ACSL3: variants seen among roughly 807,000 people sequenced by gnomAD.
ACSL3 encodes fatty acid CoA ligase Acsl3.
ACSL3 carries 34 observed loss-of-function variants against 84.7 expected under a neutral mutation model. That is an observed-to-expected ratio of 0.40 (90% confidence interval 0.31 to 0.53). The LOEUF is 0.53. Ranked by LOEUF, ACSL3 falls within the 20% of genes least tolerant of loss-of-function variation. The probability of loss-of-function intolerance (pLI) is 0.48; values close to 1 mark genes in which losing one functional copy is unlikely to be tolerated. For missense variants in ACSL3, 680 were observed against 873.1 expected (o/e 0.78, Z 2.79); for synonymous variants, 315 against 299.4 (o/e 1.05, Z -0.54).
intron 1 of ACSL3, among the ~76,000 whole-genome samples, chr2:222,876,387 T>G (rs539515550): frequency 6.6e-6 from 1 of 152,266 alleles, no homozygotes; most frequent in East Asian, 1.9e-4. Flanking sequence ...CATGGCACAA[T>G]CATGGCTCAC....
chr2:222,881,021 T>G (rs1695580609), intron 1 of ACSL3, among the ~76,000 whole-genome samples: 1 of 152,196 alleles, frequency 6.6e-6, no homozygotes, highest in South Asian at 2.1e-4. Context: ...CGTTTATTTT[T>G]TCATTGCATT....
chr2:222,941,524 T>A lies in ACSL3; in HGVS notation c.2033T>A (p.Val678Glu). ...AGTCTGGAAAAGTTTGAAATTCCAG[T>A]AAAAATTCGTTTGAGTCCTGAACCG... Reference protein sequence around the residue: ...SASLEKFEIPVKIRLSPEPWT... With the variant: ...SASLEKFEIPEKIRLSPEPWT... Residue 678 changes from valine to glutamate, a missense_variant, in exon 17 of 17, where the codon GTA becomes GAA. By Grantham distance (121) the Val-to-Glu change is moderately radical (BLOSUM62 -2). This residue lies in a region of ACSL3 where 347 missense variants were observed against 525.7 expected (regional missense o/e 0.66). Coordinates refer to ENST00000357430, the MANE Select transcript of ACSL3 (RefSeq NM_004457.5). 3.1e-6 allele frequency: 5 copies of A among 1,608,734 alleles called. No homozygotes were observed. Among genetic ancestry groups the A allele is most frequent in the Non-Finnish European group, 4.2e-6 (5 of 1,178,132 alleles).
At chr2:222,873,979 T>A (rs1197197421) in intron 1 of ACSL3, among the ~76,000 whole-genome samples, 1 of 152,218 alleles carries the variant, frequency 6.6e-6, no homozygotes, top group Non-Finnish European at 1.5e-5. Flanking sequence ...GCCCTTTAGT[T>A]TGAGTGTGTC....
rs138575197 is a variant in ACSL3 at position 222,900,175 on chromosome 2, A to G, written c.-147-499A>G. ...TAATTTATCTAGAACATTTTAGAAAAATTAAATGGCTTAATTGAATGTGGC... is the reference window on the plus strand; with the variant it reads ...TAATTTATCTAGAACATTTTAGAAAGATTAAATGGCTTAATTGAATGTGGC... On this transcript the variant is annotated intron_variant, in intron 2 of 16. Transcript: ENST00000357430. Among the ~76,000 whole-genome samples the G allele has an allele frequency of 5.0e-3, 763 of 152,322 alleles. 3 individuals carry two copies. The highest frequency in any genetic ancestry group is 0.017 in the Middle Eastern group (5 of 294).
intron 2 of ACSL3, among the ~76,000 whole-genome samples, chr2:222,890,724 C>G (rs568993967): frequency 1.3e-5 from 2 of 152,302 alleles, no homozygotes; most frequent in African/African-American, 4.8e-5. Flanking sequence ...TCACTGCAAC[C>G]TCTGCCTCCC....
At chr2:222,941,226 G>A (rs2106147133) in intron 16 of ACSL3, among the ~76,000 whole-genome samples, 1 of 152,200 alleles carries the variant, frequency 6.6e-6, no homozygotes, top group East Asian at 1.9e-4. Flanking sequence ...CATCATGCCT[G>A]GCTCTAACTC....
At chr2:222,922,614 C>G in intron 8 of ACSL3, 94 bp from the exon 9 acceptor site, 1 of 1,499,088 alleles carries the variant, frequency 6.7e-7, no homozygotes, top group South Asian at 1.2e-5. Context: ...GCCCTGGGGC[C>G]CTTCCATGTG....
At chr2:222,877,482 T>G (rs1695478863) in intron 1 of ACSL3, among the ~76,000 whole-genome samples, 2 of 152,166 alleles carry the variant, frequency 1.3e-5, no homozygotes, top group South Asian at 4.1e-4. Flanking sequence ...TAGATTTACT[T>G]TTTTGGTGAG....
chr2:222,914,203 G>A (rs2106122092), intron 4 of ACSL3, among the ~76,000 whole-genome samples: 1 of 151,740 alleles, frequency 6.6e-6, no homozygotes, highest in South Asian at 2.1e-4. Flanking sequence ...CCTGTAAGTA[G>A]AGAGAAGGAA....
chr2:222,870,721 G>A (rs1695277746), intron 1 of ACSL3, among the ~76,000 whole-genome samples: 1 of 152,252 alleles, frequency 6.6e-6, no homozygotes, highest in African/African-American at 2.4e-5. Context: ...AGACAAAGAA[G>A]TGGATGGAAT....
chr2:222,921,180 CAATTT>C, intron 7 of ACSL3, 95 bp from the exon 8 acceptor site: 2 of 1,345,714 alleles, frequency 1.5e-6, no homozygotes, highest in East Asian at 4.7e-5. Context: ...TAAATTAACT[CAATTT>C]GATTGAGTTA....
chr2:222,869,847 G>T (rs1455075370), intron 1 of ACSL3, among the ~76,000 whole-genome samples: 2 of 152,126 alleles, frequency 1.3e-5, no homozygotes, highest in Non-Finnish European at 2.9e-5. Flanking sequence ...AAAGGCACAT[G>T]GACTTGGAGG....
At position 222,941,763 on chromosome 2, in the gene ACSL3, A is replaced by G. The variant is rs564905187; in HGVS notation, c.*109A>G. 102 of 1,203,086 alleles carry G rather than the reference A, an allele frequency of 8.5e-5. No homozygotes were observed. The Admixed American group carries it at 1.4e-3, about 16-fold the overall frequency. The allele number at this position is 1,203,086 out of a possible 1,614,324, so 74.5% of individuals were successfully genotyped here. A position where few individuals can be genotyped will look rare whatever the true frequency, so the allele number is the denominator to read the frequency against. On this transcript the variant is annotated 3_prime_UTR_variant, in exon 17 of 17. Transcript: ENST00000357430. ...CAAACTCCATTCCTCATATTAAACT[A>G]TTACTTCTCATGACGTCACCATTTT...
In ACSL3 at chr2:222,943,931, A is replaced by G. The variant is rs1419344091; in HGVS notation, c.*2277A>G. Reference sequence around the variant, plus strand: ...TATCTGACAATAAGATACAGATCTAAAAGAATGGTTCTTAAGAACTATTGT... The same window carrying G: ...TATCTGACAATAAGATACAGATCTAGAAGAATGGTTCTTAAGAACTATTGT... On this transcript the variant is annotated 3_prime_UTR_variant, in exon 17 of 17. Coordinates refer to ENST00000357430, the MANE Select transcript of ACSL3 (RefSeq NM_004457.5). 3 of 152,228 alleles carry G rather than the reference A, an allele frequency of 2.0e-5. No individual in the cohort carries two copies. Among genetic ancestry groups the G allele is most frequent in the Non-Finnish European group, 1.5e-5 (1 of 67,960 alleles). The allele number at this position is 152,228 out of a possible 1,614,324, so 9.4% of individuals were successfully genotyped here.
Position 222,924,773 on chromosome 2 carries a change from C to T in ACSL3, c.1292+178C>T, listed in dbSNP as rs1696830570. On this transcript the variant is annotated intron_variant, in intron 11 of 16. Coordinates refer to ENST00000357430, the MANE Select transcript of ACSL3 (RefSeq NM_004457.5). ...GCGCGGTGGCTCATGCCTGTAATCC[C>T]AGCACTTTGGGAGGCCGAGGCAGGT... is the stretch of plus-strand genomic sequence containing the variant. Among the ~76,000 whole-genome samples, 4 of 152,130 alleles carry T rather than the reference C, an allele frequency of 2.6e-5. No individual in the cohort carries two copies. The South Asian group carries it at 8.3e-4, about 32-fold the overall frequency.
At chr2:222,868,304 G>A (rs374703295) in intron 1 of ACSL3, among the ~76,000 whole-genome samples, 3 of 152,114 alleles carry the variant, frequency 2.0e-5, no homozygotes, top group Non-Finnish European at 4.4e-5. Context: ...TTTGGGCAGC[G>A]TATTTAATTT....
In ACSL3 at chr2:222,933,266, T is replaced by C; in HGVS notation, c.1833T>C (p.Cys611=). Residue 611 remains cysteine (C), a synonymous_variant, in exon 15 of 17, where the codon TGT becomes TGC. Transcript: ENST00000357430. ...LKNLPLVDNI[C]AYANSYHSYV... Reference sequence around the variant, plus strand: ...ATCTTCCACTAGTAGATAACATTTGTGCATATGCAAACAGGTAAGAACGTG... The same window carrying C: ...ATCTTCCACTAGTAGATAACATTTGCGCATATGCAAACAGGTAAGAACGTG... 6.2e-7 allele frequency: 1 copy of C among 1,611,328 alleles called. No homozygotes were observed. The highest frequency in any genetic ancestry group is 1.1e-5 in the South Asian group (1 of 90,744).
chr2:222,930,241 T>TA lies in ACSL3; in HGVS notation c.1541-379dup, dbSNP rs1696989440. 5.3e-5 allele frequency among the ~76,000 whole-genome samples: 8 copies of TA among 152,292 alleles called. No individual in the cohort carries two copies. In the South Asian group the frequency reaches 1.7e-3, roughly 32 times the overall value. ...CACTGGCCCAGCAGTAACTCATTCTTATATAGGGATTTGTTCTATTAATTG... is the reference window on the plus strand; with the variant it reads ...CACTGGCCCAGCAGTAACTCATTCTTAATATAGGGATTTGTTCTATTAATTG... On this transcript the variant is annotated intron_variant, in intron 13 of 16. Coordinates refer to ENST00000357430, the MANE Select transcript of ACSL3 (RefSeq NM_004457.5).
chr2:222,929,608 T>C (rs2106137216), intron 13 of ACSL3, among the ~76,000 whole-genome samples: 1 of 152,098 alleles, frequency 6.6e-6, no homozygotes, highest in South Asian at 2.1e-4. Context: ...GGTGAAACCG[T>C]CTCTACTAAA....
Sources: gnomAD v4.1 joint callset for allele counts (sites outside exome capture counted in the v4.1 genomes callset) on GRCh38, gnomAD v4.1.1 for gene constraint, gnomAD v4.1.1 regional missense constraint, MANE v1.5 for transcripts, NCBI Gene and HGNC (gene_info 2026-07-23, HGNC 2026-07-21) for gene names.